The following NFIX variants were observed in gnomAD, a reference collection of about 807,000 sequenced individuals.
NFIX encodes nuclear factor I X, also known as nuclear factor 1 X-type.
A neutral mutation model predicts 53.3 loss-of-function variants in NFIX; 2 were observed. That is an observed-to-expected ratio of 0.04 (90% CI 0.02 to 0.12). The LOEUF (loss-of-function observed/expected upper bound fraction) is 0.12. Ranked by LOEUF, NFIX falls within the 10% of genes least tolerant of loss-of-function variation. The probability of loss-of-function intolerance (pLI) is 1.00; values close to 1 mark genes in which losing one functional copy is unlikely to be tolerated. For synonymous variants in NFIX, 244 were observed against 289.0 expected, an observed-to-expected ratio of 0.84 and a Z score of 1.58; for missense variants, 310 against 674.5, an observed-to-expected ratio of 0.46 and a Z score of 5.99.
chr19:13,076,569 G>C (rs1456566225), intron 6 of NFIX, among the ~76,000 whole-genome samples: 3 of 152,230 alleles, frequency 2.0e-5, no homozygotes, highest in East Asian at 1.9e-4. Context: ...GGGTGTGACA[G>C]GGCCTGGGAG....
chr19:13,033,241 C>T (rs369764411), intron 2 of NFIX, among the ~76,000 whole-genome samples: 12 of 152,248 alleles, frequency 7.9e-5, no homozygotes, highest in African/African-American at 2.9e-4. Flanking sequence ...AATAGGGTCC[C>T]AGGAGGAGGA....
intron 10 of NFIX, among the ~76,000 whole-genome samples, chr19:13,092,106 C>T (rs554100976): frequency 6.6e-6 from 1 of 151,874 alleles, no homozygotes; most frequent in Admixed American, 6.6e-5. Flanking sequence ...GGCAGGCAGG[C>T]GGCTGCAACG....
At chr19:13,024,383 T>G in intron 1 of NFIX, 1 of 681,046 alleles carries the variant, frequency 1.5e-6, no homozygotes, top group Non-Finnish European at 1.8e-6. Flanking sequence ...TTAAAAAATG[T>G]TGGGGTGGAT....
In NFIX at chr19:13,020,194, G is replaced by A. The variant is rs1241748312; in HGVS notation, c.28-4827G>A. On this transcript the variant is annotated intron_variant, in intron 1 of 10. Transcript: ENST00000592199. ...GGGGAGAAGAGAAGGAGGCTGGGCT[G>A]GGAACAGGTAATCTTCCAACAGGAG... 4.6e-5 allele frequency among the ~76,000 whole-genome samples: 7 copies of A among 152,208 alleles called. No homozygotes were observed. In the East Asian group the frequency reaches 1.3e-3, roughly 29 times the overall value.
rs988227862 is a variant in NFIX, at chr19:13,011,592, T to C, written c.28-13429T>C. Reference sequence around the variant, plus strand: ...CGCTCCACTGCCCAATCATAGCTCTTTGATATCCCAGCCCGGCTGGAGAAA... The same window carrying C: ...CGCTCCACTGCCCAATCATAGCTCTCTGATATCCCAGCCCGGCTGGAGAAA... On this transcript the variant is annotated intron_variant, in intron 1 of 10. Transcript: ENST00000592199. The surrounding 1 kb of genome is among the most constrained non-coding windows in gnomAD (Gnocchi z 6.5). Among the ~76,000 whole-genome samples the C allele has an allele frequency of 6.6e-6, 1 of 152,062 alleles. No individual in the cohort carries two copies. The highest frequency in any genetic ancestry group is 2.4e-5 in the African/African-American group (1 of 41,404).
chr19:13,010,691 C>T (rs2012292261), intron 1 of NFIX, among the ~76,000 whole-genome samples: 1 of 152,258 alleles, frequency 6.6e-6, no homozygotes, highest in Non-Finnish European at 1.5e-5. Context: ...GTCCGTGAGC[C>T]CGCTCTGGTG....
Position 13,001,410 on chromosome 19 carries a change from G to C in NFIX, c.27+5546G>C, listed in dbSNP as rs956373614. 6.6e-6 allele frequency among the ~76,000 whole-genome samples: 1 copy of C among 151,936 alleles called. No individual in the cohort carries two copies. Among genetic ancestry groups the C allele is most frequent in the African/African-American group, 2.4e-5 (1 of 41,304 alleles). On this transcript the variant is annotated intron_variant, in intron 1 of 10. Transcript: ENST00000592199. The surrounding 1 kb of genome is among the most constrained non-coding windows in gnomAD (Gnocchi z 6.5). Reference sequence around the variant, plus strand: ...TATTTGGTAGTGGGGGTCGGGGAGCGTGCCACCATGCGTGTCAGTGTGCCG... The same window carrying C: ...TATTTGGTAGTGGGGGTCGGGGAGCCTGCCACCATGCGTGTCAGTGTGCCG...
Position 13,090,858 on chromosome 19 carries a change from G to C in NFIX, c.1494+468G>C, listed in dbSNP as rs907902856. On this transcript the variant is annotated intron_variant, in intron 10 of 10. Transcript: ENST00000592199. This position sits in a 1 kb window ranked among gnomAD's most constrained non-coding sequence, Gnocchi z 6.6. ...CTGGTGGGCTGCGTGCCCAGAACTG[G>C]CACTGAGGGCAGGGCAGGGCAGGCC... is the stretch of plus-strand genomic sequence containing the variant. Among the ~76,000 whole-genome samples the C allele has an allele frequency of 6.6e-6, 1 of 152,182 alleles. No homozygotes were observed. The highest frequency in any genetic ancestry group is 6.5e-5 in the Admixed American group (1 of 15,282).
At chr19:13,023,947 TCCCCCCACCCG>T in intron 1 of NFIX, 4 of 125,072 alleles carry the variant, frequency 3.2e-5, no homozygotes, top group Non-Finnish European at 5.9e-5. Context: ...TCCTCCCCCC[TCCCCCCACCCG>T]CCCCCAACTC....
chr19:13,025,578 C>T lies in NFIX; in HGVS notation c.559+26C>T. 1.3e-6 allele frequency: 2 copies of T among 1,593,492 alleles called. No individual in the cohort carries two copies. The highest frequency in any genetic ancestry group is 1.7e-6 in the Non-Finnish European group (2 of 1,169,622). On this transcript the variant is annotated intron_variant, in intron 2 of 10. Coordinates refer to ENST00000592199, the MANE Select transcript of NFIX (RefSeq NM_001365902.3). This position sits in a 1 kb window ranked among gnomAD's most constrained non-coding sequence, Gnocchi z 7.5. ...GTAGGTCGTTCTCAACCATTTTTCC[C>T]TCTCATTTTATTTTCCTTGCTGGCA...
rs1420933473 is a variant in NFIX at position 13,040,907 on chromosome 19, G to A, written c.559+15355G>A. 6.6e-6 allele frequency among the ~76,000 whole-genome samples: 1 copy of A among 152,140 alleles called. No individual in the cohort carries two copies. The highest frequency in any genetic ancestry group is 1.9e-4 in the East Asian group (1 of 5,198). On this transcript the variant is annotated intron_variant, in intron 2 of 10. Coordinates refer to ENST00000592199, the MANE Select transcript of NFIX (RefSeq NM_001365902.3). The surrounding 1 kb of genome is among the most constrained non-coding windows in gnomAD (Gnocchi z 4.2). ...CCGAGCACTCCACTTTCTACCTTAA[G>A]ACTCTCTAGATAGCTCCTTCCTCCT...
chr19:12,999,640 C>G (rs188051741), intron 1 of NFIX, among the ~76,000 whole-genome samples: 1 of 152,240 alleles, frequency 6.6e-6, no homozygotes, highest in Admixed American at 6.5e-5. Context: ...CTCTCAGACA[C>G]GCAGCGACCT....
rs2013311530 is a variant in NFIX at position 13,025,963 on chromosome 19, A to G, written c.559+411A>G. Among the ~76,000 whole-genome samples the G allele has an allele frequency of 6.6e-6, 1 of 152,188 alleles. No homozygotes were observed. The highest frequency in any genetic ancestry group is 2.4e-5 in the African/African-American group (1 of 41,432). On this transcript the variant is annotated intron_variant, in intron 2 of 10. Transcript: ENST00000592199. This position sits in a 1 kb window ranked among gnomAD's most constrained non-coding sequence, Gnocchi z 7.5. ...GAAGAAGTATTGAGGGGCAGGTGCT[A>G]GTTTTACTGCAGCTTCACCTCCAGT...
chr19:12,997,304 G>A (rs2011504408), intron 1 of NFIX, among the ~76,000 whole-genome samples: 1 of 152,252 alleles, frequency 6.6e-6, no homozygotes, highest in Non-Finnish European at 1.5e-5. Flanking sequence ...TCTAGAGTCT[G>A]TGTGTAGCCC....
intron 1 of NFIX, among the ~76,000 whole-genome samples, chr19:13,024,218 C>T (rs1026498870): frequency 8.6e-5 from 13 of 151,480 alleles, no homozygotes; most frequent in East Asian, 1.9e-4. Flanking sequence ...GGGAAGGGGT[C>T]GCAAGAAGAC....
intron 2 of NFIX, among the ~76,000 whole-genome samples, chr19:13,041,717 C>G (rs1427451720): frequency 6.6e-6 from 1 of 151,376 alleles, no homozygotes; most frequent in Non-Finnish European, 1.5e-5. Context: ...TCACTTGAAC[C>G]CGGGAGGCAG....
rs1298457591 is a variant in NFIX at position 12,996,434 on chromosome 19, C to A, written c.27+570C>A. On this transcript the variant is annotated intron_variant, in intron 1 of 10. Transcript: ENST00000592199. This position sits in a 1 kb window ranked among gnomAD's most constrained non-coding sequence, Gnocchi z 5.2. ...GGTGCCTGGGGTGGGCCGAGCGGCC[C>A]GGGCGTCTCCCCAAAGTCTTTGTTT... Among the ~76,000 whole-genome samples, 1 of 146,262 alleles carries A rather than the reference C, an allele frequency of 6.8e-6. No homozygotes were observed. The highest frequency in any genetic ancestry group is 1.5e-5 in the Non-Finnish European group (1 of 66,532).
rs923807203 is a variant in NFIX at position 13,036,555 on chromosome 19, C to T, written c.559+11003C>T. On this transcript the variant is annotated intron_variant, in intron 2 of 10. Transcript: ENST00000592199. This position sits in a 1 kb window ranked among gnomAD's most constrained non-coding sequence, Gnocchi z 4.7. ...ACTGGGCGGAGCTGTGTGGAGCGAT[C>T]GGGAGATCCCCGGAGGCGACCTGCA... 2.6e-5 allele frequency among the ~76,000 whole-genome samples: 4 copies of T among 152,050 alleles called. No individual in the cohort carries two copies. Among genetic ancestry groups the T allele is most frequent in the Admixed American group, 6.5e-5 (1 of 15,272 alleles).
chr19:13,010,384 G>A lies in NFIX; in HGVS notation c.27+14520G>A, dbSNP rs549102439. On this transcript the variant is annotated intron_variant, in intron 1 of 10. Transcript: ENST00000592199. ...ACGTCCCTGTCTGACACCCCAGCCC[G>A]GCAACTCGGACGTGCGCACGCACAT... Among the ~76,000 whole-genome samples the A allele has an allele frequency of 3.3e-5, 5 of 152,352 alleles. No individual in the cohort carries two copies. The East Asian group carries it at 9.7e-4, about 29-fold the overall frequency.
Sources: gnomAD v4.1 joint callset for allele counts (sites outside exome capture counted in the v4.1 genomes callset) on GRCh38, gnomAD v4.1.1 for gene constraint, Gnocchi (gnomAD v3.1) non-coding constraint, MANE v1.5 for transcripts, NCBI Gene and HGNC (gene_info 2026-07-23, HGNC 2026-07-21) for gene names.